The following ASAP1 variants were observed in gnomAD, a reference collection of about 807,000 sequenced individuals.
ASAP1 encodes the protein ArfGAP with SH3 domain, ankyrin repeat and PH domain 1.
ASAP1 carries 43 observed loss-of-function variants against 145.2 expected under a neutral mutation model. That is an observed-to-expected ratio of 0.30 (90% CI 0.23 to 0.38). The LOEUF (loss-of-function observed/expected upper bound fraction) is 0.38. Among genes scored for constraint, ASAP1 ranks in the 10% least tolerant of loss-of-function variants. The probability of loss-of-function intolerance (pLI) is 1.00; values close to 1 mark genes in which losing one functional copy is unlikely to be tolerated. For synonymous variants in ASAP1, 546 were observed against 515.5 expected, an observed-to-expected ratio of 1.06 and a Z score of -0.80; for missense variants, 1,018 against 1,355.3, an observed-to-expected ratio of 0.75 and a Z score of 3.91.
chr8:130,194,572 G>A (rs1215818360), intron 5 of ASAP1, among the ~76,000 whole-genome samples: 1 of 152,144 alleles, frequency 6.6e-6, no homozygotes, highest in East Asian at 1.9e-4. Context: ...CAACCTTTCT[G>A]GCACCAGAGG....
chr8:130,200,405 AC>A (rs1172842924), intron 5 of ASAP1, among the ~76,000 whole-genome samples: 17 of 152,180 alleles, frequency 1.1e-4, no homozygotes, highest in Non-Finnish European at 1.8e-4. Flanking sequence ...CCCTGCACAA[AC>A]AAGCCTTGAT....
At chr8:130,114,171 C>G (rs914872673) in intron 23 of ASAP1, among the ~76,000 whole-genome samples, 1 of 152,166 alleles carries the variant, frequency 6.6e-6, no homozygotes, top group African/African-American at 2.4e-5. Context: ...TAATGACAGG[C>G]ATACATTCTG....
At chr8:130,144,336 T>C (rs2097621669) in intron 13 of ASAP1, among the ~76,000 whole-genome samples, 1 of 152,244 alleles carries the variant, frequency 6.6e-6, no homozygotes, top group African/African-American at 2.4e-5. Flanking sequence ...ATACATTATA[T>C]GAATTCTATT....
rs1420345188 is a variant in ASAP1 at position 130,152,747 on chromosome 8, A to G, written c.1069T>C (p.Ser357Pro). 6.2e-7 allele frequency: 1 copy of G among 1,611,422 alleles called. No individual in the cohort carries two copies. The highest frequency in any genetic ancestry group is 1.7e-5 in the Admixed American group (1 of 59,946). The change falls in exon 13 of 30, where the codon TCA (serine) becomes CCA (proline). Residue 357 changes from serine to proline, a missense_variant. Ser to Pro is a moderately conservative substitution (Grantham distance 74). Transcript: ENST00000518721. ...AGAAACATACTTACTGTGGCATGTG[A>G]GATGGTCAGAATCCCATTCTTGACT... ...CSVKNGILTISHATSNRQPAK... is the reference protein window; with the variant it reads ...CSVKNGILTIPHATSNRQPAK...
chr8:130,115,229 C>T (rs1024009151), intron 23 of ASAP1, among the ~76,000 whole-genome samples: 1 of 152,134 alleles, frequency 6.6e-6, no homozygotes, highest in Non-Finnish European at 1.5e-5. Context: ...CCTAATCAGC[C>T]AAAGAAAGGC....
intron 13 of ASAP1, among the ~76,000 whole-genome samples, chr8:130,141,546 T>C (rs1214366823): frequency 1.3e-5 from 2 of 152,166 alleles, no homozygotes; most frequent in Non-Finnish European, 2.9e-5. Flanking sequence ...CCTGTCTTCC[T>C]TCTCACTAAG....
intron 3 of ASAP1, among the ~76,000 whole-genome samples, chr8:130,348,156 G>A (rs1825802988): frequency 6.6e-6 from 1 of 152,178 alleles, no homozygotes; most frequent in Non-Finnish European, 1.5e-5. Flanking sequence ...TCTGACCCTA[G>A]CCTTTGGGTA....
intron 11 of ASAP1, among the ~76,000 whole-genome samples, chr8:130,165,346 C>A (rs2097677841): frequency 6.6e-6 from 1 of 151,988 alleles, no homozygotes; most frequent in Non-Finnish European, 1.5e-5. Context: ...CAACAATAAA[C>A]AAAAAAACCC....
chr8:130,296,467 G>C, intron 3 of ASAP1, among the ~76,000 whole-genome samples: 1 of 152,128 alleles, frequency 6.6e-6, no homozygotes, highest in Non-Finnish European at 1.5e-5. Flanking sequence ...TGGTAAGCAG[G>C]GGTCCCTGTG....
chr8:130,317,783 T>C (rs1485090019), intron 3 of ASAP1, among the ~76,000 whole-genome samples: 1 of 152,174 alleles, frequency 6.6e-6, no homozygotes, highest in Non-Finnish European at 1.5e-5. Context: ...GTAAAAGCCA[T>C]CCTTTGTGGC....
intron 3 of ASAP1, among the ~76,000 whole-genome samples, chr8:130,346,150 A>G (rs922554320): frequency 6.6e-6 from 1 of 152,236 alleles, no homozygotes; most frequent in African/African-American, 2.4e-5. Context: ...CTACATTAAA[A>G]ACAAAACAAG....
At chr8:130,259,291 T>C (rs370023155) in intron 3 of ASAP1, among the ~76,000 whole-genome samples, 2 of 152,300 alleles carry the variant, frequency 1.3e-5, no homozygotes, top group African/African-American at 4.8e-5. Flanking sequence ...CAATCTTCTA[T>C]TTTCTACTCC....
intron 1 of ASAP1, among the ~76,000 whole-genome samples, chr8:130,402,359 G>A (rs1033115124): frequency 6.6e-6 from 1 of 152,148 alleles, no homozygotes; most frequent in South Asian, 2.1e-4. Flanking sequence ...GAAAGCAAAA[G>A]TGTTCACCCG....
At chr8:130,329,767 T>C (rs1387953646) in intron 3 of ASAP1, among the ~76,000 whole-genome samples, 5 of 152,236 alleles carry the variant, frequency 3.3e-5, no homozygotes, top group South Asian at 2.1e-4. Context: ...TTTTGACCAC[T>C]TATGACGTGT....
chr8:130,250,760 TA>T (rs939446533), intron 3 of ASAP1, among the ~76,000 whole-genome samples: 5 of 151,596 alleles, frequency 3.3e-5, no homozygotes, highest in South Asian at 2.1e-4. Flanking sequence ...CTGATGGAGT[TA>T]AAAAAAAATC....
intron 2 of ASAP1, among the ~76,000 whole-genome samples, chr8:130,398,527 A>T (rs1828635870): frequency 6.6e-6 from 1 of 152,212 alleles, no homozygotes; most frequent in Non-Finnish European, 1.5e-5. Flanking sequence ...GGTAAGAGTA[A>T]AAGTATTAAT....
intron 3 of ASAP1, among the ~76,000 whole-genome samples, chr8:130,301,704 A>G (rs748475247): frequency 6.6e-6 from 1 of 152,262 alleles, no homozygotes; most frequent in Non-Finnish European, 1.5e-5. Flanking sequence ...TTATAGGTAC[A>G]TAAAATGGGA....
intron 9 of ASAP1, among the ~76,000 whole-genome samples, chr8:130,175,936 T>C (rs1190783920): frequency 6.6e-6 from 1 of 152,190 alleles, no homozygotes; most frequent in African/African-American, 2.4e-5. Context: ...TAAAGCAATG[T>C]TTATAAATGC....
intron 24 of ASAP1, among the ~76,000 whole-genome samples, chr8:130,106,448 C>T (rs1198676317): frequency 6.6e-6 from 1 of 152,202 alleles, no homozygotes; most frequent in Non-Finnish European, 1.5e-5. Context: ...TACTCTTCTT[C>T]CTATCTACTG....
Sources: gnomAD v4.1 joint callset for allele counts (sites outside exome capture counted in the v4.1 genomes callset) on GRCh38, gnomAD v4.1.1 for gene constraint, MANE v1.5 for transcripts, NCBI Gene and HGNC (gene_info 2026-07-23, HGNC 2026-07-21) for gene names.